Variants in MAN1A2 observed in about 807,000 individuals in gnomAD.
The protein encoded by MAN1A2 is mannosidase alpha class 1A member 2, also known as mannosyl-oligosaccharide 1,2-alpha-mannosidase IB.
In MAN1A2, 26 loss-of-function variants were observed where a neutral mutation model predicts 75.7. That is an observed-to-expected ratio of 0.34 (90% confidence interval 0.25 to 0.48). MAN1A2 has a LOEUF of 0.48. MAN1A2 is among the 20% of genes least tolerant of loss of function. MAN1A2 has a pLI of 0.99. For synonymous variants in MAN1A2, 247 were observed against 264.6 expected (o/e 0.93, Z 0.65); for missense variants, 562 against 775.5 (o/e 0.72, Z 3.27).
At chr1:117,445,372 T>A (rs1649177835) in intron 6 of MAN1A2, among the ~76,000 whole-genome samples, 1 of 152,198 alleles carries the variant, frequency 6.6e-6, no homozygotes, top group South Asian at 2.1e-4. Context: ...TATTATTAAA[T>A]TATTAAAATT....
chr1:117,478,551 A>AT (rs531900947), intron 8 of MAN1A2, among the ~76,000 whole-genome samples: 28 of 151,950 alleles, frequency 1.8e-4, no homozygotes, highest in Non-Finnish European at 3.5e-4. Context: ...AAGTTTATAG[A>AT]TTCGGGTTTT....
chr1:117,389,949 C>A (rs1653664574), intron 1 of MAN1A2, among the ~76,000 whole-genome samples: 1 of 152,096 alleles, frequency 6.6e-6, no homozygotes, highest in Non-Finnish European at 1.5e-5. Context: ...TTTTCTGCAT[C>A]TCTTGATGAT....
At chr1:117,459,790 A>G (rs1299620286) in intron 6 of MAN1A2, among the ~76,000 whole-genome samples, 1 of 152,214 alleles carries the variant, frequency 6.6e-6, no homozygotes, top group African/African-American at 2.4e-5. Context: ...CCAAGGGACC[A>G]TCAATAGGGA....
chr1:117,446,650 A>T (rs933166448), intron 6 of MAN1A2, among the ~76,000 whole-genome samples: 2 of 152,048 alleles, frequency 1.3e-5, no homozygotes, highest in African/African-American at 4.8e-5. Flanking sequence ...CATAAAAATT[A>T]CAATTTGAAT....
At chr1:117,461,501 G>A (rs1649820109) in intron 7 of MAN1A2, among the ~76,000 whole-genome samples, 1 of 152,072 alleles carries the variant, frequency 6.6e-6, no homozygotes, top group Non-Finnish European at 1.5e-5. Context: ...ACAATAGAGT[G>A]ACTATAACAA....
At chr1:117,453,418 C>A (rs1264005161) in intron 6 of MAN1A2, among the ~76,000 whole-genome samples, 2 of 152,122 alleles carry the variant, frequency 1.3e-5, no homozygotes, top group Non-Finnish European at 2.9e-5. Flanking sequence ...GTCAAAGTAT[C>A]AAACAGGAGT....
In MAN1A2 at chr1:117,474,892, TTC is replaced by T. The variant is rs1194062324; in HGVS notation, c.1168+8467_1168+8468del. ...CCCCCAAAACAACTACTGATCTGCT[TTC>T]TGTCATTAAAGCTTGGGTTGCCTTT... On this transcript the variant is annotated intron_variant, in intron 8 of 12. Coordinates refer to ENST00000356554, the MANE Select transcript of MAN1A2 (RefSeq NM_006699.5). 2.0e-5 allele frequency among the ~76,000 whole-genome samples: 3 copies of T among 152,066 alleles called. No individual in the cohort carries two copies. The East Asian group carries it at 5.8e-4, about 30-fold the overall frequency.
rs144488442 is a variant in MAN1A2 at position 117,384,385 on chromosome 1, T to G, written c.302+15900T>G. On this transcript the variant is annotated intron_variant, in intron 1 of 12. Transcript: ENST00000356554. ...ACATGTTGGTTAAGAGTGTGTTGTT[T>G]AATATCCACATATTTATGATTTTTC... 7.2e-5 allele frequency among the ~76,000 whole-genome samples: 11 copies of G among 152,336 alleles called. No individual in the cohort carries two copies. The East Asian group carries it at 1.7e-3, about 24-fold the overall frequency.
chr1:117,526,242 G>A lies in MAN1A2; in HGVS notation c.*3285G>A, dbSNP rs933792735. The A allele has an allele frequency of 1.3e-5, 2 of 151,800 alleles. No homozygotes were observed. Among genetic ancestry groups the A allele is most frequent in the African/African-American group, 4.8e-5 (2 of 41,386 alleles). 9.4% of individuals were successfully genotyped at this position (151,800 alleles called of 1,614,324 possible). ...CGAACATTTATGAAGTATCTAACAT[G>A]TGCCAAGCATTGTGCCTGGCACTTT... On this transcript the variant is annotated 3_prime_UTR_variant, in exon 13 of 13. Transcript: ENST00000356554.
chr1:117,445,954 A>G, intron 6 of MAN1A2, among the ~76,000 whole-genome samples: 1 of 147,260 alleles, frequency 6.8e-6, no homozygotes, highest in African/African-American at 2.5e-5. Flanking sequence ...ATATAAATTT[A>G]TATATATTTA....
intron 1 of MAN1A2, among the ~76,000 whole-genome samples, chr1:117,398,573 C>T (rs1333993508): frequency 6.6e-6 from 1 of 151,486 alleles, no homozygotes; most frequent in Non-Finnish European, 1.5e-5. Flanking sequence ...TGTTGGGAGG[C>T]TGAAGCAGGA....
intron 6 of MAN1A2, among the ~76,000 whole-genome samples, chr1:117,459,969 T>G (rs973917611): frequency 2.6e-5 from 4 of 152,088 alleles, no homozygotes; most frequent in Non-Finnish European, 5.9e-5. Context: ...ATTCAAATTT[T>G]GAGACAACTC....
chr1:117,487,230 A>G (rs1422122652), intron 8 of MAN1A2, among the ~76,000 whole-genome samples: 2 of 152,066 alleles, frequency 1.3e-5, no homozygotes, highest in Non-Finnish European at 2.9e-5. Flanking sequence ...TCAGTAAAAC[A>G]GGTGTAGACA....
chr1:117,487,387 A>G (rs919428010), intron 8 of MAN1A2, among the ~76,000 whole-genome samples: 2 of 152,180 alleles, frequency 1.3e-5, no homozygotes, highest in African/African-American at 4.8e-5. Context: ...GTGACTCAGT[A>G]TAAGTAACAT....
chr1:117,408,758 C>A (rs1188820452), intron 3 of MAN1A2, among the ~76,000 whole-genome samples: 1 of 129,588 alleles, frequency 7.7e-6, no homozygotes, highest in Admixed American at 7.9e-5. Context: ...GCTGAAGAAA[C>A]CACTTGCATC....
At chr1:117,452,073 G>A (rs1408732821) in intron 6 of MAN1A2, among the ~76,000 whole-genome samples, 4 of 152,064 alleles carry the variant, frequency 2.6e-5, no homozygotes, top group African/African-American at 7.2e-5. Flanking sequence ...TTGGGAGGCC[G>A]AGGAAGGTGG....
intron 5 of MAN1A2, among the ~76,000 whole-genome samples, chr1:117,421,819 A>G (rs1648210162): frequency 6.6e-6 from 1 of 152,096 alleles, no homozygotes; most frequent in South Asian, 2.1e-4. Flanking sequence ...TCTGGCCAAG[A>G]GGTTATCAAA....
intron 1 of MAN1A2, among the ~76,000 whole-genome samples, chr1:117,388,811 G>T (rs948456149): frequency 5.3e-5 from 8 of 152,134 alleles, no homozygotes; most frequent in Admixed American, 4.6e-4. Context: ...CTGAATGGGT[G>T]ATGTTTTACT....
rs1649006015 is a variant in MAN1A2 at position 117,440,803 on chromosome 1, TA to T, written c.856-1427del. Among the ~76,000 whole-genome samples the T allele has an allele frequency of 2.0e-5, 3 of 152,234 alleles. No homozygotes were observed. In the East Asian group the frequency reaches 5.8e-4, roughly 29 times the overall value. On this transcript the variant is annotated intron_variant, in intron 5 of 12. Coordinates refer to ENST00000356554, the MANE Select transcript of MAN1A2 (RefSeq NM_006699.5). ...ATACAAAATGTGTGATTAACAAAGA[TA>T]TAGTATTAATATTAGTTTCTAGATA...
Sources: allele counts gnomAD v4.1 joint callset (sites outside exome capture counted in the v4.1 genomes callset), GRCh38; gene constraint gnomAD v4.1.1; transcripts MANE v1.5; gene names NCBI Gene and HGNC (gene_info 2026-07-23, HGNC 2026-07-21).